The following SEC16A variants were observed in gnomAD, a reference collection of about 807,000 sequenced individuals.
SEC16A encodes protein transport protein Sec16A.
Under a neutral mutation model 221.9 loss-of-function variants are expected in SEC16A, and 110 were observed. The observed-to-expected ratio is 0.50, with a 90% CI of 0.42 to 0.58. The LOEUF (loss-of-function observed/expected upper bound fraction) is 0.58. Ranked by LOEUF, SEC16A falls within the 20% of genes least tolerant of loss-of-function variation. The pLI is 0.00. For missense variants in SEC16A, 3,165 were observed against 3,097.8 expected (o/e 1.02, Z -0.52); for synonymous variants, 1,393 against 1,257.7 (o/e 1.11, Z -2.28).
upstream of SEC16A, chr9:136,483,895 A>G (rs1842718554): frequency 2.6e-6 from 2 of 775,144 alleles, no homozygotes; most frequent in South Asian, 5.8e-5. Flanking sequence ...GGCCGCGGGC[A>G]CCGAGCGGCG....
At chr9:136,445,597 G>T in intron 29 of SEC16A, 48 bp downstream of exon 29, 3 of 1,405,918 alleles carry the variant, frequency 2.1e-6, no homozygotes, top group East Asian at 2.5e-5. Context: ...ACAGTGAGCT[G>T]CTGGGGAGGC....
chr9:136,455,477 G>T, intron 20 of SEC16A, 124 bp downstream of exon 20: 1 of 908,768 alleles, frequency 1.1e-6, no homozygotes, highest in Non-Finnish European at 1.6e-6. Flanking sequence ...GAGGTGGTGT[G>T]AGACACTGCC....
At chr9:136,449,314 G>A (rs1045488083) in intron 23 of SEC16A, among the ~76,000 whole-genome samples, 5 of 152,192 alleles carry the variant, frequency 3.3e-5, no homozygotes, top group Admixed American at 2.0e-4. Flanking sequence ...GCAATGGCGC[G>A]ATCTCGGCGC....
intron 31 of SEC16A, among the ~76,000 whole-genome samples, chr9:136,442,410 C>A (rs1278617233): frequency 6.6e-6 from 1 of 152,208 alleles, no homozygotes; most frequent in Non-Finnish European, 1.5e-5. Flanking sequence ...AGGACCAGGG[C>A]AGGAGTGCTG....
In SEC16A at chr9:136,476,056, GCT is replaced by G; in HGVS notation, c.1558_1559del (p.Ser520ArgfsTer6). The G allele has an allele frequency of 2.5e-6, 4 of 1,613,544 alleles. No homozygotes were observed. Among genetic ancestry groups the G allele is most frequent in the Non-Finnish European group, 3.4e-6 (4 of 1,179,888 alleles). ...DATLHTVHPD[S>X]VSSSYSSRSH... Reference sequence around the variant, plus strand: ...TTCTGCTGCTATAGCTGGATGACACGCTGTCAGGGTGCACTGTATGCAGTGTG... The same window carrying G: ...TTCTGCTGCTATAGCTGGATGACACGGTCAGGGTGCACTGTATGCAGTGTG... On this transcript the variant is annotated frameshift_variant, in exon 3 of 32. Coordinates refer to ENST00000684901, the MANE Select transcript of SEC16A (RefSeq NM_014866.2). LOFTEE classifies it high-confidence loss of function.
At position 136,476,400 on chromosome 9, in the gene SEC16A, T is replaced by C; in HGVS notation, c.1216A>G (p.Ser406Gly). The change falls in exon 3 of 32, where the codon AGC (serine) becomes GGC (glycine). Residue 406 changes from serine to glycine, a missense_variant. Ser to Gly is a moderately conservative substitution (Grantham distance 56). Transcript: ENST00000684901. ...GQADFDDFCS[S>G]PGLGRPPAPT... is the part of the protein sequence containing the mutation. ...GCGGGCGGACGGCCTAGCCCAGGGCTGGAGCAGAAATCGTCAAAGTCCGCT... is the reference window on the plus strand; with the variant it reads ...GCGGGCGGACGGCCTAGCCCAGGGCCGGAGCAGAAATCGTCAAAGTCCGCT... 6.2e-7 allele frequency: 1 copy of C among 1,612,846 alleles called. No homozygotes were observed. The highest frequency in any genetic ancestry group is 1.3e-5 in the African/African-American group (1 of 75,020).
At chr9:136,450,372 G>A (rs887115525) in intron 23 of SEC16A, among the ~76,000 whole-genome samples, 1 of 151,940 alleles carries the variant, frequency 6.6e-6, no homozygotes, top group African/African-American at 2.4e-5. Flanking sequence ...GGAAAGGAAA[G>A]CCAGGTGTGG....
intron 20 of SEC16A, 140 bp downstream of exon 20, chr9:136,455,461 A>G: frequency 1.3e-6 from 1 of 787,112 alleles, no homozygotes. Flanking sequence ...GAGCCCCACA[A>G]CCACCGAGGT....
rs372762133 is a variant in SEC16A at position 136,474,145 on chromosome 9, G to A, written c.3471C>T (p.Ala1157=). The change falls in exon 3 of 32, where the codon GCC becomes GCT. Residue 1157 remains alanine, a synonymous_variant. Transcript: ENST00000684901. ...LAPGPPPQDL[A]AYYYYRPLYD... ...ACAAAGGCCGGTAGTAGTAGTAGGCGGCCAGGTCCTGAGGCGGTGGGCCGG... is the reference window on the plus strand; with the variant it reads ...ACAAAGGCCGGTAGTAGTAGTAGGCAGCCAGGTCCTGAGGCGGTGGGCCGG... The A allele has an allele frequency of 2.8e-5, 45 of 1,613,200 alleles. 1 individual carries two copies. Among genetic ancestry groups the A allele is most frequent in the South Asian group, 8.8e-5 (8 of 91,060 alleles).
upstream of SEC16A, chr9:136,483,619 G>A: frequency 1.0e-6 from 1 of 985,480 alleles, no homozygotes; most frequent in Non-Finnish European, 1.2e-6. Flanking sequence ...GTTTTAAGAT[G>A]TGAGAAGAGA....
At chr9:136,460,489 A>G (rs1345705934) in intron 13 of SEC16A, among the ~76,000 whole-genome samples, 2 of 151,800 alleles carry the variant, frequency 1.3e-5, no homozygotes, top group East Asian at 1.9e-4. Flanking sequence ...AATAAAATAA[A>G]TTTTTTAAAA....
chr9:136,462,183 G>C (rs1839573379), intron 12 of SEC16A, among the ~76,000 whole-genome samples: 1 of 152,296 alleles, frequency 6.6e-6, no homozygotes, highest in East Asian at 1.9e-4. Flanking sequence ...TAAAAGGACA[G>C]AAAACTCTCA....
At chr9:136,471,887 T>G in intron 4 of SEC16A, 88 bp downstream of exon 4, 1 of 1,481,048 alleles carries the variant, frequency 6.8e-7, no homozygotes, top group East Asian at 2.3e-5. Flanking sequence ...TACAGAACTT[T>G]TTGAGTCACT....
intron 8 of SEC16A, among the ~76,000 whole-genome samples, chr9:136,465,740 G>C (rs903781265): frequency 6.6e-6 from 1 of 152,202 alleles, no homozygotes; most frequent in Admixed American, 6.5e-5. Flanking sequence ...AACGCATGTC[G>C]GGGCAGGCAG....
At chr9:136,483,388 C>T, upstream of SEC16A, 2 of 666,480 alleles carry the variant, frequency 3.0e-6, no homozygotes, top group Non-Finnish European at 3.7e-6. Context: ...GCCCCCTTAG[C>T]CCCGCCCGTC....
At position 136,475,100 on chromosome 9, in the gene SEC16A, A is replaced by G; in HGVS notation, c.2516T>C (p.Leu839Pro). The G allele has an allele frequency of 6.2e-7, 1 of 1,613,860 alleles. No individual in the cohort carries two copies. Among genetic ancestry groups the G allele is most frequent in the East Asian group, 2.2e-5 (1 of 44,874 alleles). ...CACAGAAAAGTTAATGGGCTGAGCC[A>G]GATTATAGCTGTGATCAGGCTGAGC... ...LIAQPDHSYN[L>P]AQPINFSVSL... Residue 839 changes from leucine (L) to proline (P), a missense_variant, in exon 3 of 32, where the codon CTG (leucine) becomes CCG (proline). Transcript: ENST00000684901. The surrounding 1 kb of genome is among the most constrained non-coding windows in gnomAD (Gnocchi z 5.0).
rs371475950 is a variant in SEC16A, at chr9:136,462,788, C to G, written c.4893+99G>C. 2.8e-6 allele frequency: 4 copies of G among 1,419,402 alleles called. No homozygotes were observed. In the East Asian group the frequency reaches 9.7e-5, roughly 34 times the overall value. 87.9% of individuals were successfully genotyped at this position (1,419,402 alleles called of 1,614,324 possible). ...CCCCACACTGCAGCGCGGATGCTCC[C>G]AAGAGGGGGCCACGTCCCTCCCTGA... On this transcript the variant is annotated intron_variant, in intron 12 of 31. Transcript: ENST00000684901.
chr9:136,475,409 C>T lies in SEC16A; in HGVS notation c.2207G>A (p.Gly736Asp). Residue 736 changes from glycine to aspartate, a missense_variant, in exon 3 of 32, where the codon GGC becomes GAC. Around this residue, in one of 3 missense-constraint regions of SEC16A, gnomAD observed 2,030 missense variants for 1,923.1 expected, o/e 1.06. Coordinates refer to ENST00000684901, the MANE Select transcript of SEC16A (RefSeq NM_014866.2). The surrounding 1 kb of genome is among the most constrained non-coding windows in gnomAD (Gnocchi z 5.0). The part of the protein sequence containing the change: ...WAQSELPDFG[G>D]NVLLAPAAPA... ...GGCTGCAGGGGCCAGAAGGACGTTG[C>T]CTCCAAAATCTGGCAGCTCACTTTG... is the stretch of plus-strand genomic sequence containing the variant. 6.2e-7 allele frequency: 1 copy of T among 1,610,496 alleles called. No homozygotes were observed. The highest frequency in any genetic ancestry group is 1.7e-5 in the Admixed American group (1 of 59,724).
At position 136,474,034 on chromosome 9, in the gene SEC16A, C is replaced by G; in HGVS notation, c.3567+15G>C. On this transcript the variant is annotated intron_variant, in intron 3 of 31. Coordinates refer to ENST00000684901, the MANE Select transcript of SEC16A (RefSeq NM_014866.2). Reference sequence around the variant, plus strand: ...CAGACAGAAAAGTGGGTTACACATACGACTCGACTCTTACCTGGTAATAGA... The same window carrying G: ...CAGACAGAAAAGTGGGTTACACATAGGACTCGACTCTTACCTGGTAATAGA... The G allele has an allele frequency of 6.3e-7, 1 of 1,581,876 alleles. No homozygotes were observed. Among genetic ancestry groups the G allele is most frequent in the Admixed American group, 1.7e-5 (1 of 57,606 alleles).
Sources: allele counts gnomAD v4.1 joint callset (sites outside exome capture counted in the v4.1 genomes callset), GRCh38; gene constraint gnomAD v4.1.1; regional missense constraint gnomAD v4.1.1; non-coding constraint Gnocchi (gnomAD v3.1); transcripts MANE v1.5; gene names NCBI Gene and HGNC (gene_info 2026-07-23, HGNC 2026-07-21).